The following XCR1 variants were observed in gnomAD, a reference collection of about 807,000 sequenced individuals.
The protein encoded by XCR1 is chemokine XC receptor 1.
For missense variants in XCR1, 356 were observed against 424.2 expected, an observed-to-expected ratio of 0.84 and a Z score of 1.41; for synonymous variants, 187 against 188.5, an observed-to-expected ratio of 0.99 and a Z score of 0.06.
intron 3 of XCR1, among the ~76,000 whole-genome samples, chr3:46,069,416 A>G (rs934812472): frequency 6.6e-6 from 1 of 152,216 alleles, no homozygotes; most frequent in Non-Finnish European, 1.5e-5. Context: ...GTATCACTAC[A>G]GACCCTGCAG....
At chr3:46,066,914 T>A (rs1698087985) in exon 4 of XCR1, among the ~76,000 whole-genome samples, 1 of 152,160 alleles carries the variant, frequency 6.6e-6, no homozygotes, top group East Asian at 1.9e-4. Context: ...AGATGGTGGG[T>A]CCTCAATAGC....
chr3:46,083,180 C>T lies in XCR1; in HGVS notation c.-515+2614G>A, dbSNP rs555414786. On this transcript the variant is annotated intron_variant, in intron 1 of 5. Coordinates refer to the XCR1 transcript ENST00000683768. ...TTAGAAAATCCAAAGAAAACAGCCC[C>T]TCCAGCTATCAGGATCCTGTCTTCT... 2.1e-4 allele frequency among the ~76,000 whole-genome samples: 32 copies of T among 152,322 alleles called. 1 individual carries two copies. The South Asian group carries it at 6.4e-3, about 31-fold the overall frequency.
chr3:46,051,948 C>T (rs1240290375), intron 5 of XCR1, among the ~76,000 whole-genome samples: 1 of 152,096 alleles, frequency 6.6e-6, no homozygotes, highest in East Asian at 1.9e-4. Context: ...ATGGCATGGA[C>T]CCGGGAGGCG....
chr3:46,041,681 T>C (rs1336586537), intron 5 of XCR1, among the ~76,000 whole-genome samples: 1 of 152,208 alleles, frequency 6.6e-6, no homozygotes, highest in African/African-American at 2.4e-5. Context: ...TTGATCCTTC[T>C]GGTCTTAAAG....
At chr3:46,064,247 T>A (rs1698020532) in intron 4 of XCR1, among the ~76,000 whole-genome samples, 1 of 152,182 alleles carries the variant, frequency 6.6e-6, no homozygotes, top group South Asian at 2.1e-4. Flanking sequence ...AGGCACTGCG[T>A]AATTATTTGT....
chr3:46,073,901 G>C (rs1698206890), intron 3 of XCR1, among the ~76,000 whole-genome samples: 1 of 150,520 alleles, frequency 6.6e-6, no homozygotes, highest in Non-Finnish European at 1.5e-5. Context: ...AATCAGAATG[G>C]CAATTAAAAA....
At chr3:46,051,655 T>A (rs1421676726) in intron 5 of XCR1, among the ~76,000 whole-genome samples, 1 of 152,198 alleles carries the variant, frequency 6.6e-6, no homozygotes, top group Admixed American at 6.5e-5. Context: ...TGGAGAAGGG[T>A]GTAATTTGCA....
intron 1 of XCR1, among the ~76,000 whole-genome samples, chr3:46,077,554 C>T (rs1480857509): frequency 6.6e-6 from 1 of 152,100 alleles, no homozygotes; most frequent in Non-Finnish European, 1.5e-5. Context: ...ATGTAATGCA[C>T]TTGCTTCATC....
chr3:46,074,717 TAAAGGAG>T (rs1181985009), intron 2 of XCR1, among the ~76,000 whole-genome samples: 1 of 152,136 alleles, frequency 6.6e-6, no homozygotes, highest in African/African-American at 2.4e-5. Flanking sequence ...CTGAGTAGGC[TAAAGGAG>T]GAAGAGGAAG....
At chr3:46,023,213 G>C in intron 1 of XCR1, 3 of 525,460 alleles carry the variant, frequency 5.7e-6, no homozygotes, top group Non-Finnish European at 1.0e-5. Flanking sequence ...CGCCCAGAGA[G>C]GACGCGGCTG....
chr3:46,034,958 G>GTTTTCT (rs960941504), intron 5 of XCR1, among the ~76,000 whole-genome samples: 40 of 152,166 alleles, frequency 2.6e-4, no homozygotes, highest in African/African-American at 9.6e-4. Context: ...CATAGTTCCT[G>GTTTTCT]TTTTCTTTTT....
Position 46,020,773 on chromosome 3 carries a change from T to TGA in XCR1, c.*171_*172dup, listed in dbSNP as rs1708123356. 1.1e-6 allele frequency: 1 copy of TGA among 896,724 alleles called. No homozygotes were observed. The allele number at this position is 896,724 out of a possible 1,614,324, so 55.5% of individuals were successfully genotyped here. A position where few individuals can be genotyped will look rare whatever the true frequency, so the allele number is the denominator to read the frequency against. On this transcript the variant is annotated 3_prime_UTR_variant, in exon 2 of 2. Transcript: ENST00000309285. ...AGGTAGGAAGCCACTTTCCCGCAGA[T>TGA]GAGAGGCTGGCGGGACCCACTGGTG...
intron 1 of XCR1, chr3:46,023,589 T>G: frequency 7.1e-7 from 1 of 1,398,996 alleles, no homozygotes; most frequent in Non-Finnish European, 1.0e-6. Context: ...CTGCCCATCT[T>G]CAGGCATCTC....
intron 1 of XCR1, among the ~76,000 whole-genome samples, chr3:46,084,397 G>A (rs1698433904): frequency 6.6e-6 from 1 of 152,196 alleles, no homozygotes; most frequent in Non-Finnish European, 1.5e-5. Flanking sequence ...GGAATGAAAA[G>A]CTATCACATC....
intron 4 of XCR1, among the ~76,000 whole-genome samples, chr3:46,062,563 G>A (rs750800375): frequency 4.6e-5 from 7 of 152,220 alleles, no homozygotes; most frequent in Non-Finnish European, 7.3e-5. Context: ...CTGCATCTCT[G>A]TCTAAAGGCT....
chr3:46,026,834 G>A (rs1022792639), intron 1 of XCR1, among the ~76,000 whole-genome samples: 5 of 151,400 alleles, frequency 3.3e-5, no homozygotes, highest in South Asian at 2.1e-4. Flanking sequence ...CACCTGCCTT[G>A]GCCTCCCAAA....
intron 5 of XCR1, among the ~76,000 whole-genome samples, chr3:46,033,350 G>T (rs1251342456): frequency 6.6e-6 from 1 of 152,168 alleles, no homozygotes; most frequent in Non-Finnish European, 1.5e-5. Flanking sequence ...TGCATTTTGA[G>T]TTTTTTGTGA....
intron 4 of XCR1, among the ~76,000 whole-genome samples, chr3:46,063,136 G>T (rs1352955412): frequency 6.6e-6 from 1 of 152,134 alleles, no homozygotes; most frequent in Non-Finnish European, 1.5e-5. Context: ...TATCATTCAG[G>T]GTCCCAGTAG....
chr3:46,064,054 G>T (rs988577236), intron 4 of XCR1, among the ~76,000 whole-genome samples: 3 of 152,048 alleles, frequency 2.0e-5, no homozygotes, highest in Admixed American at 2.0e-4. Flanking sequence ...TTTATTTTTA[G>T]TAGAGACAAA....
Sources: allele counts gnomAD v4.1 joint callset (sites outside exome capture counted in the v4.1 genomes callset), GRCh38; gene constraint gnomAD v4.1.1; transcripts MANE v1.5; gene names NCBI Gene and HGNC (gene_info 2026-07-23, HGNC 2026-07-21).